THADA: variants seen among roughly 807,000 people sequenced by gnomAD.
THADA encodes the protein THADA armadillo repeat containing, also known as tRNA (32-2'-O)-methyltransferase regulator THADA.
THADA carries 213 observed loss-of-function variants against 219.8 expected under a neutral mutation model. The observed-to-expected ratio is 0.97, with a 90% CI of 0.87 to 1.09. The LOEUF (loss-of-function observed/expected upper bound fraction) is 1.09, where lower values mean the gene tolerates loss of function less well. THADA is among the 50% of genes least tolerant of loss of function. The pLI, the probability that THADA is intolerant of heterozygous loss-of-function variation, is 0.00. For synonymous variants in THADA, 1,018 were observed against 828.9 expected (o/e 1.23, Z -3.92); for missense variants, 2,956 against 2,311.3 (o/e 1.28, Z -5.72).
At chr2:43,355,240 G>A (rs928560903) in intron 29 of THADA, among the ~76,000 whole-genome samples, 9 of 152,108 alleles carry the variant, frequency 5.9e-5, no homozygotes, top group Non-Finnish European at 1.2e-4. Flanking sequence ...CCTTCCTTTT[G>A]AATATATACC....
Position 43,508,651 on chromosome 2 carries a change from T to C in THADA, c.3504A>G (p.Ile1168Met). 2.5e-6 allele frequency: 4 copies of C among 1,612,930 alleles called. No individual in the cohort carries two copies. Among genetic ancestry groups the C allele is most frequent in the South Asian group, 2.2e-5 (2 of 90,924 alleles). The change falls in exon 23 of 38, where the codon ATA (isoleucine) becomes ATG (methionine). Residue 1168 changes from isoleucine (I) to methionine (M), a missense_variant. Transcript: ENST00000405975. The part of the protein sequence containing the change: ...TRRSAGIPFY[I>M]QALLASEPKK... ...CTAGGGTCCTACAGATAAATACCTG[T>C]ATGTAGAAAGGAATTCCAGCACTGC...
At chr2:43,466,385 C>T (rs960869549) in intron 26 of THADA, among the ~76,000 whole-genome samples, 1 of 152,206 alleles carries the variant, frequency 6.6e-6, no homozygotes, top group Admixed American at 6.5e-5. Flanking sequence ...TTCTACTCAT[C>T]CTTCAAGCTC....
rs554617638 is a variant in THADA at position 43,340,599 on chromosome 2, G to A, written c.4343+3523C>T. On this transcript the variant is annotated intron_variant, in intron 30 of 37. Transcript: ENST00000405975. ...TAAATTAGGGAAGGAAAAGGGTGTC[G>A]GTGTTAAAATTTAAGGCAACATTTT... is the stretch of plus-strand genomic sequence containing the variant. Among the ~76,000 whole-genome samples, 40 of 152,150 alleles carry A rather than the reference G, an allele frequency of 2.6e-4. No homozygotes were observed. The South Asian group carries it at 7.3e-3, about 28-fold the overall frequency.
intron 28 of THADA, among the ~76,000 whole-genome samples, chr2:43,404,071 T>A (rs1036773614): frequency 6.6e-6 from 1 of 152,260 alleles, no homozygotes; most frequent in African/African-American, 2.4e-5. Flanking sequence ...GCAAGCCAAC[T>A]AGTGCCTTTG....
chr2:43,479,458 T>A (rs1392552742), intron 26 of THADA, among the ~76,000 whole-genome samples: 1 of 152,128 alleles, frequency 6.6e-6, no homozygotes, highest in Non-Finnish European at 1.5e-5. Context: ...GTTATTAGTA[T>A]CATTTTAATT....
At position 43,292,109 on chromosome 2, in the gene THADA, A is replaced by G. The variant is rs1471682897; in HGVS notation, c.4932T>C (p.Asn1644=). 6.2e-7 allele frequency: 1 copy of G among 1,601,260 alleles called. No individual in the cohort carries two copies. Among genetic ancestry groups the G allele is most frequent in the Non-Finnish European group, 8.5e-7 (1 of 1,174,312 alleles). The change falls in exon 33 of 38, where the codon AAT becomes AAC. Residue 1644 remains asparagine, a synonymous_variant. Coordinates refer to ENST00000405975, the MANE Select transcript of THADA (RefSeq NM_022065.5). ...FLIWTMDIAS[N]ERSEIQSVAL... Reference sequence around the variant, plus strand: ...AGGAGGTTTTGGGGGCAAACCTTTCATTGGAAGCAATATCCATCGTCCAGA... The same window carrying G: ...AGGAGGTTTTGGGGGCAAACCTTTCGTTGGAAGCAATATCCATCGTCCAGA...
At chr2:43,294,670 C>G (rs147792783) in intron 31 of THADA, among the ~76,000 whole-genome samples, 1 of 152,074 alleles carries the variant, frequency 6.6e-6, no homozygotes, top group African/African-American at 2.4e-5. Flanking sequence ...GTGCTCTTAT[C>G]GTTGAGGAGG....
chr2:43,441,731 G>A (rs1680868012), intron 26 of THADA, among the ~76,000 whole-genome samples: 1 of 152,148 alleles, frequency 6.6e-6, no homozygotes, highest in African/African-American at 2.4e-5. Context: ...GCCCATGTAA[G>A]GTCTGTAATC....
At chr2:43,521,525 C>G (rs749088170) in intron 22 of THADA, among the ~76,000 whole-genome samples, 1 of 152,180 alleles carries the variant, frequency 6.6e-6, no homozygotes, top group African/African-American at 2.4e-5. Context: ...CACTGCACTC[C>G]AGCCTGGGCG....
intron 29 of THADA, among the ~76,000 whole-genome samples, chr2:43,372,591 C>G (rs1471348460): frequency 6.6e-6 from 1 of 152,172 alleles, no homozygotes; most frequent in Non-Finnish European, 1.5e-5. Flanking sequence ...TCCCCACCCA[C>G]TCAACACAGC....
At chr2:43,594,382 C>G (rs555616084) in intron 1 of THADA, among the ~76,000 whole-genome samples, 1 of 151,990 alleles carries the variant, frequency 6.6e-6, no homozygotes, top group South Asian at 2.1e-4. Context: ...GAGTTCAAGA[C>G]CAGCCTGGCC....
chr2:43,460,367 G>C (rs79903981), intron 26 of THADA, among the ~76,000 whole-genome samples: 89 of 150,930 alleles, frequency 5.9e-4, no homozygotes, highest in African/African-American at 2.2e-3. Context: ...AACTGCTCCA[G>C]ACTGTGACTG....
intron 26 of THADA, among the ~76,000 whole-genome samples, chr2:43,478,929 T>G (rs1685855846): frequency 6.6e-6 from 1 of 152,212 alleles, no homozygotes; most frequent in African/African-American, 2.4e-5. Context: ...TAATTCTGAC[T>G]TTAGGAACAT....
intron 20 of THADA, among the ~76,000 whole-genome samples, chr2:43,546,137 T>C (rs1315514160): frequency 1.3e-5 from 2 of 151,344 alleles, no homozygotes; most frequent in African/African-American, 2.4e-5. Context: ...ATGTACCCAG[T>C]AGTCATTCAG....
intron 36 of THADA, among the ~76,000 whole-genome samples, chr2:43,243,476 C>T (rs890309178): frequency 3.9e-5 from 6 of 152,260 alleles, no homozygotes; most frequent in South Asian, 2.1e-4. Flanking sequence ...CTCACACAAC[C>T]GCAAACAGTC....
At position 43,577,213 on chromosome 2, in the gene THADA, G is replaced by C; in HGVS notation, c.846C>G (p.Asp282Glu). Reference protein sequence around the residue: ...LISSVLLRSVDCTSVPEWFMS... With the variant: ...LISSVLLRSVECTSVPEWFMS... ...TAAACCACTCGGGGACACTGGTGCA[G>C]TCCACTGAACGAAGCAGCACACTGC... Residue 282 changes from aspartate (D) to glutamate (E), a missense_variant, in exon 10 of 38, where the codon GAC (aspartate) becomes GAG (glutamate). Coordinates refer to ENST00000405975, the MANE Select transcript of THADA (RefSeq NM_022065.5). 1.3e-6 allele frequency: 2 copies of C among 1,599,346 alleles called. No homozygotes were observed.
intron 22 of THADA, among the ~76,000 whole-genome samples, chr2:43,525,570 C>T (rs1174213284): frequency 1.3e-5 from 2 of 152,140 alleles, no homozygotes; most frequent in Admixed American, 6.6e-5. Flanking sequence ...CATGTAGTCC[C>T]AACTAGGCCC....
At chr2:43,401,638 T>C (rs1266578153) in intron 28 of THADA, among the ~76,000 whole-genome samples, 4 of 152,342 alleles carry the variant, frequency 2.6e-5, no homozygotes, top group Middle Eastern at 3.4e-3. Flanking sequence ...CACTTGACAG[T>C]TGATAAAACA....
At chr2:43,543,942 T>C (rs1029062241) in intron 20 of THADA, among the ~76,000 whole-genome samples, 1 of 152,112 alleles carries the variant, frequency 6.6e-6, no homozygotes, top group African/African-American at 2.4e-5. Context: ...ATGAAGTCCT[T>C]GCCCATGCCT....
Sources: allele counts gnomAD v4.1 joint callset (sites outside exome capture counted in the v4.1 genomes callset), GRCh38; gene constraint gnomAD v4.1.1; transcripts MANE v1.5; gene names NCBI Gene and HGNC (gene_info 2026-07-23, HGNC 2026-07-21).